HS3ST3A1: variants seen among roughly 807,000 people sequenced by gnomAD.
The protein encoded by HS3ST3A1 is heparan sulfate-glucosamine 3-sulfotransferase 3A1.
HS3ST3A1 carries 19 observed loss-of-function variants against 25.7 expected under a neutral mutation model. The observed-to-expected ratio is 0.74, with a 90% confidence interval of 0.52 to 1.08. HS3ST3A1 has a LOEUF of 1.08. Ranked by LOEUF, HS3ST3A1 falls within the 50% of genes least tolerant of loss-of-function variation. HS3ST3A1 has a pLI of 0.00. For missense variants in HS3ST3A1, 459 were observed against 594.3 expected (o/e 0.77, Z 2.37); for synonymous variants, 226 against 278.6 (o/e 0.81, Z 1.88).
rs574741425 is a variant in HS3ST3A1, at chr17:13,500,800, G to A, written c.600-3982C>T. Among the ~76,000 whole-genome samples the A allele has an allele frequency of 1.8e-4, 28 of 152,296 alleles. No homozygotes were observed. The South Asian group carries it at 2.7e-3, about 15-fold the overall frequency. On this transcript the variant is annotated intron_variant, in intron 1 of 1. Coordinates refer to ENST00000284110, the MANE Select transcript of HS3ST3A1 (RefSeq NM_006042.3). ...GCGAATTAAGAATTATTACAAGGTA[G>A]GTTATACACAGTTGTTCTTCTCCCC... is the stretch of plus-strand genomic sequence containing the variant.
At chr17:13,500,755 G>A (rs1402343371) in intron 1 of HS3ST3A1, among the ~76,000 whole-genome samples, 1 of 152,178 alleles carries the variant, frequency 6.6e-6, no homozygotes, top group Non-Finnish European at 1.5e-5. Context: ...GGGAGGCAAA[G>A]ATAAGCAGAA....
At chr17:13,597,173 G>A (rs1438580586) in intron 1 of HS3ST3A1, among the ~76,000 whole-genome samples, 1 of 151,998 alleles carries the variant, frequency 6.6e-6, no homozygotes, top group Non-Finnish European at 1.5e-5. Context: ...CAAAATAATA[G>A]ACTGAAATAT....
At chr17:13,521,543 C>T (rs541025518) in intron 1 of HS3ST3A1, among the ~76,000 whole-genome samples, 99 of 152,292 alleles carry the variant, frequency 6.5e-4, no homozygotes, top group African/African-American at 2.3e-3. Context: ...GTGATGAATC[C>T]GCTTTCATGG....
At chr17:13,538,426 G>T (rs368032892) in intron 1 of HS3ST3A1, among the ~76,000 whole-genome samples, 2 of 152,092 alleles carry the variant, frequency 1.3e-5, no homozygotes, top group Non-Finnish European at 2.9e-5. Context: ...AATTCATTCC[G>T]CTTACCCCGG....
rs768704913 is a variant in HS3ST3A1 at position 13,496,650 on chromosome 17, C to T, written c.768G>A (p.Thr256=). The change falls in exon 2 of 2, where the codon ACG becomes ACA. Residue 256 remains threonine (T), a synonymous_variant. Coordinates refer to ENST00000284110, the MANE Select transcript of HS3ST3A1 (RefSeq NM_006042.3). ...VTRAISDYTQ[T]LSKRPDIPTF... ...TGGGGATGTCGGGCCGCTTGGACAGCGTCTGCGTGTAGTCCGAGATGGCCC... is the reference window on the plus strand; with the variant it reads ...TGGGGATGTCGGGCCGCTTGGACAGTGTCTGCGTGTAGTCCGAGATGGCCC... 3 of 1,613,546 alleles carry T rather than the reference C, an allele frequency of 1.9e-6. No homozygotes were observed. The highest frequency in any genetic ancestry group is 1.1e-5 in the South Asian group (1 of 91,050).
At chr17:13,525,295 C>G (rs1412585833) in intron 1 of HS3ST3A1, among the ~76,000 whole-genome samples, 1 of 152,054 alleles carries the variant, frequency 6.6e-6, no homozygotes, top group Non-Finnish European at 1.5e-5. Flanking sequence ...GTAATTTGGA[C>G]AGTTAAAAAT....
chr17:13,587,123 C>A (rs916559552), intron 1 of HS3ST3A1, among the ~76,000 whole-genome samples: 1 of 151,686 alleles, frequency 6.6e-6, no homozygotes, highest in Admixed American at 6.6e-5. Context: ...ACTGTGCTGT[C>A]CTTTTGAATA....
At position 13,519,543 on chromosome 17, in the gene HS3ST3A1, A is replaced by AATG. The variant is rs747391490; in HGVS notation, c.600-22728_600-22726dup. Among the ~76,000 whole-genome samples the AATG allele has an allele frequency of 2.6e-4, 40 of 151,968 alleles. No individual in the cohort carries two copies. In the East Asian group the frequency reaches 2.7e-3, roughly 10 times the overall value. ...ATAAGCTGAAAGTGCTTAGAATAGC[A>AATG]ATGATGATGATGATGATGATGATGG... On this transcript the variant is annotated intron_variant, in intron 1 of 1. Coordinates refer to ENST00000284110, the MANE Select transcript of HS3ST3A1 (RefSeq NM_006042.3).
At chr17:13,516,092 CG>C (rs1217960448) in intron 1 of HS3ST3A1, among the ~76,000 whole-genome samples, 1 of 152,036 alleles carries the variant, frequency 6.6e-6, no homozygotes, top group Non-Finnish European at 1.5e-5. Context: ...GGGCGAATCA[CG>C]AGGTCAGGAG....
At chr17:13,558,689 G>A (rs1290297213) in intron 1 of HS3ST3A1, among the ~76,000 whole-genome samples, 2 of 152,150 alleles carry the variant, frequency 1.3e-5, no homozygotes, top group African/African-American at 4.8e-5. Context: ...AATCTGGCAT[G>A]TGAGAAGTTA....
At chr17:13,549,731 T>C (rs1014296413) in intron 1 of HS3ST3A1, among the ~76,000 whole-genome samples, 8 of 152,210 alleles carry the variant, frequency 5.3e-5, no homozygotes, top group African/African-American at 1.7e-4. Context: ...CCATGCCGAC[T>C]GTCACACAGG....
chr17:13,586,378 G>A (rs117923967), intron 1 of HS3ST3A1, among the ~76,000 whole-genome samples: 1,677 of 151,660 alleles, frequency 0.011, 18 homozygotes, highest in Middle Eastern at 0.02. Context: ...GTATGCCACC[G>A]AGAACTAGAT....
At chr17:13,526,228 T>C (rs1181204705) in intron 1 of HS3ST3A1, among the ~76,000 whole-genome samples, 3 of 151,884 alleles carry the variant, frequency 2.0e-5, no homozygotes, top group Non-Finnish European at 4.4e-5. Context: ...GAACAAGCTT[T>C]CCTTCAGAGG....
At chr17:13,515,471 G>GTTTTTTTTTTTTTTTTT (rs33924561) in intron 1 of HS3ST3A1, among the ~76,000 whole-genome samples, 1 of 107,794 alleles carries the variant, frequency 9.3e-6, no homozygotes, top group Non-Finnish European at 1.8e-5. Flanking sequence ...GTTTGTTTCA[G>GTTTTTTTTTTTTTTTTT]TTTTTTTTTT....
At chr17:13,508,159 C>A (rs1052164091) in intron 1 of HS3ST3A1, among the ~76,000 whole-genome samples, 1 of 152,098 alleles carries the variant, frequency 6.6e-6, no homozygotes, top group Non-Finnish European at 1.5e-5. Context: ...CACTGACCAG[C>A]GCCATTGATA....
In HS3ST3A1 at chr17:13,540,223, T is replaced by A. The variant is rs111647119; in HGVS notation, c.600-43405A>T. ...GTCTTCAAGCAACAATCTATAATGT[T>A]CTAGTGTTATCTGTGTCACTGACCA... On this transcript the variant is annotated intron_variant, in intron 1 of 1. Coordinates refer to ENST00000284110, the MANE Select transcript of HS3ST3A1 (RefSeq NM_006042.3). Among the ~76,000 whole-genome samples, 312 of 152,364 alleles carry A rather than the reference T, an allele frequency of 2.0e-3. 3 individuals are homozygous for A. The highest frequency in any genetic ancestry group is 7.2e-3 in the African/African-American group (300 of 41,590).
At chr17:13,563,942 T>A (rs1371317796) in intron 1 of HS3ST3A1, among the ~76,000 whole-genome samples, 3 of 152,116 alleles carry the variant, frequency 2.0e-5, no homozygotes, top group Non-Finnish European at 1.5e-5. Flanking sequence ...TCAAGAAAAA[T>A]TAATTTCTTA....
chr17:13,562,517 A>T (rs568156121), intron 1 of HS3ST3A1, among the ~76,000 whole-genome samples: 1 of 152,160 alleles, frequency 6.6e-6, no homozygotes, highest in Admixed American at 6.5e-5. Context: ...GAATGGCCCT[A>T]TAAAAATGTC....
chr17:13,584,481 C>CGGAG (rs1399197237), intron 1 of HS3ST3A1, among the ~76,000 whole-genome samples: 1 of 59,326 alleles, frequency 1.7e-5, no homozygotes. Flanking sequence ...AAGGGAGAGA[C>CGGAG]GGAGGGAGGG....
Sources: allele counts gnomAD v4.1 joint callset (sites outside exome capture counted in the v4.1 genomes callset), GRCh38; gene constraint gnomAD v4.1.1; transcripts MANE v1.5; gene names NCBI Gene and HGNC (gene_info 2026-07-23, HGNC 2026-07-21).